Variants in NELL2 observed in about 807,000 individuals in gnomAD.
NELL2 encodes the protein protein kinase C-binding protein NELL2.
NELL2 carries 41 observed loss-of-function variants against 109.6 expected under a neutral mutation model. That is an observed-to-expected ratio of 0.37 (90% CI 0.29 to 0.49). The LOEUF is 0.49. Ranked by LOEUF, NELL2 falls within the 20% of genes least tolerant of loss-of-function variation. The probability of loss-of-function intolerance (pLI) is 0.98; values close to 1 mark genes in which losing one functional copy is unlikely to be tolerated. For missense variants in NELL2, 900 were observed against 1,008.3 expected, an observed-to-expected ratio of 0.89 and a Z score of 1.45; for synonymous variants, 355 against 344.7, an observed-to-expected ratio of 1.03 and a Z score of -0.33.
At chr12:44,900,586 C>T (rs1281456667) in intron 1 of NELL2, among the ~76,000 whole-genome samples, 3 of 151,850 alleles carry the variant, frequency 2.0e-5, no homozygotes, top group Admixed American at 2.0e-4. Context: ...CACAATGTAC[C>T]AGAATATCTG....
At chr12:44,774,995 C>T in intron 8 of NELL2, 146 bp from the exon 9 acceptor site, 7 of 610,656 alleles carry the variant, frequency 1.1e-5, no homozygotes, top group East Asian at 2.9e-5. Context: ...GCGGTGCTGA[C>T]AATCACCACA....
At chr12:44,789,508 C>A (rs894355155) in intron 3 of NELL2, among the ~76,000 whole-genome samples, 2 of 152,070 alleles carry the variant, frequency 1.3e-5, no homozygotes, top group Non-Finnish European at 2.9e-5. Context: ...CTGACAGAAC[C>A]TACCCAAATG....
Position 44,522,155 on chromosome 12 carries a change from G to A in NELL2, c.2020C>T (p.Arg674Trp), listed in dbSNP as rs148153090. ...GGATTCTCACAGTCACAGACCATCC[G>A]TCGACACATAACGAATCCATTCTGT... is the stretch of plus-strand genomic sequence containing the variant. ...SCQNGFVMCR[R>W]MVCDCENPTV... Residue 674 changes from arginine (R) to tryptophan (W), a missense_variant, in exon 18 of 20, where the codon CGG becomes TGG. By Grantham distance (101) the Arg-to-Trp change is moderately radical. Transcript: ENST00000429094. 1.5e-5 allele frequency: 24 copies of A among 1,613,594 alleles called. No individual in the cohort carries two copies. Among genetic ancestry groups the A allele is most frequent in the Middle Eastern group, 1.6e-4 (1 of 6,082 alleles).
chr12:44,740,529 T>C (rs1939896906), intron 9 of NELL2, among the ~76,000 whole-genome samples: 1 of 152,046 alleles, frequency 6.6e-6, no homozygotes, highest in Non-Finnish European at 1.5e-5. Flanking sequence ...TAACCACACA[T>C]ACCTAAATCC....
At chr12:44,889,981 C>A (rs1466894875) in intron 1 of NELL2, among the ~76,000 whole-genome samples, 1 of 152,128 alleles carries the variant, frequency 6.6e-6, no homozygotes, top group Non-Finnish European at 1.5e-5. Flanking sequence ...CCGGGTTTCC[C>A]AAATGCATGT....
At chr12:44,839,333 G>A (rs957491909) in intron 2 of NELL2, among the ~76,000 whole-genome samples, 2 of 151,812 alleles carry the variant, frequency 1.3e-5, no homozygotes, top group South Asian at 2.1e-4. Flanking sequence ...AAATAATGGC[G>A]ATAAATAAAA....
At chr12:44,606,796 T>C (rs1945420949) in intron 15 of NELL2, among the ~76,000 whole-genome samples, 1 of 152,086 alleles carries the variant, frequency 6.6e-6, no homozygotes, top group Admixed American at 6.6e-5. Context: ...TGATAGTGTG[T>C]TCTCGGCACT....
At chr12:44,535,577 G>C (rs1254059448) in intron 15 of NELL2, among the ~76,000 whole-genome samples, 1 of 151,906 alleles carries the variant, frequency 6.6e-6, no homozygotes, top group Non-Finnish European at 1.5e-5. Context: ...ATATAGAACA[G>C]TATTTCCAAA....
At chr12:44,658,953 C>T (rs1178109682) in intron 13 of NELL2, among the ~76,000 whole-genome samples, 3 of 149,094 alleles carry the variant, frequency 2.0e-5, no homozygotes, top group African/African-American at 7.4e-5. Context: ...TCAAACTATA[C>T]TACAAGGCTA....
chr12:44,753,966 T>G (rs1940768115), intron 9 of NELL2, among the ~76,000 whole-genome samples: 1 of 152,216 alleles, frequency 6.6e-6, no homozygotes, highest in Non-Finnish European at 1.5e-5. Flanking sequence ...CCATCTAGAG[T>G]TGCAAAAACT....
At chr12:44,861,017 C>T (rs905988929) in intron 2 of NELL2, among the ~76,000 whole-genome samples, 35 of 152,264 alleles carry the variant, frequency 2.3e-4, no homozygotes, top group Admixed American at 7.2e-4. Flanking sequence ...GCCCTCATCC[C>T]CCTGATAGAA....
At chr12:44,566,757 T>C (rs186117493) in intron 15 of NELL2, among the ~76,000 whole-genome samples, 16 of 152,282 alleles carry the variant, frequency 1.1e-4, no homozygotes, top group African/African-American at 3.6e-4. Context: ...AACAATTATA[T>C]CTACTTTACA....
chr12:44,515,582 A>G (rs983014678), intron 19 of NELL2, among the ~76,000 whole-genome samples: 1 of 151,946 alleles, frequency 6.6e-6, no homozygotes, highest in African/African-American at 2.4e-5. Context: ...TATCAAACTC[A>G]TCAAACTATA....
At chr12:44,876,669 G>T (rs74912209), upstream of NELL2, 1 of 1,551,282 alleles carries the variant, frequency 6.4e-7, no homozygotes, top group South Asian at 1.2e-5. Flanking sequence ...AGCTGCAGGA[G>T]GCAAGGCTGG....
intron 16 of NELL2, among the ~76,000 whole-genome samples, chr12:44,527,520 T>A (rs965488400): frequency 2.0e-5 from 3 of 152,250 alleles, no homozygotes; most frequent in Non-Finnish European, 4.4e-5. Flanking sequence ...AACTGTAACC[T>A]AAAAAGTAAT....
intron 2 of NELL2, among the ~76,000 whole-genome samples, chr12:44,868,119 C>CAAA (rs34038469): frequency 2.5e-4 from 16 of 64,642 alleles, no homozygotes; most frequent in Non-Finnish European, 3.5e-4. Context: ...GGCTCCATCT[C>CAAA]AAAAAAAAAA....
At chr12:44,766,594 C>T (rs1018615335) in intron 9 of NELL2, among the ~76,000 whole-genome samples, 3 of 152,168 alleles carry the variant, frequency 2.0e-5, no homozygotes, top group African/African-American at 7.2e-5. Flanking sequence ...GTTGCATTTT[C>T]TGCCTAGGTT....
intron 2 of NELL2, among the ~76,000 whole-genome samples, chr12:44,858,445 G>A (rs992125663): frequency 6.6e-6 from 1 of 152,150 alleles, no homozygotes; most frequent in African/African-American, 2.4e-5. Context: ...AAGACTATTA[G>A]CAGAGGCGTC....
chr12:44,745,878 TA>T (rs199681355), intron 9 of NELL2, among the ~76,000 whole-genome samples: 3,183 of 150,634 alleles, frequency 0.021, 104 homozygotes, highest in African/African-American at 0.071. Context: ...CTGCCAAAGG[TA>T]ATTTATAGAT....
Sources: gnomAD v4.1 joint callset for allele counts (sites outside exome capture counted in the v4.1 genomes callset) on GRCh38, gnomAD v4.1.1 for gene constraint, MANE v1.5 for transcripts, NCBI Gene and HGNC (gene_info 2026-07-23, HGNC 2026-07-21) for gene names.